Variants in EXT1 observed in about 807,000 individuals in gnomAD.
The protein encoded by EXT1 is exostosin glycosyltransferase 1, also known as exostosin-1.
Under a neutral mutation model 82.5 loss-of-function variants are expected in EXT1, and 20 were observed. The ratio of observed to expected loss-of-function variants is 0.24; its 90% confidence interval spans 0.17 to 0.35. The LOEUF (loss-of-function observed/expected upper bound fraction) is 0.35, where lower values mean the gene tolerates loss of function less well. Ranked by LOEUF, EXT1 falls within the 10% of genes least tolerant of loss-of-function variation. EXT1 has a pLI of 1.00. For missense variants in EXT1, 757 were observed against 936.5 expected (o/e 0.81, Z 2.50); for synonymous variants, 348 against 350.8 (o/e 0.99, Z 0.09).
intron 1 of EXT1, among the ~76,000 whole-genome samples, chr8:118,103,736 C>T (rs1586275939): frequency 6.6e-6 from 1 of 152,126 alleles, no homozygotes; most frequent in East Asian, 1.9e-4. Context: ...TCAGCTTCCT[C>T]ACTTTTCTTA....
chr8:118,065,974 A>G (rs1816977771), intron 1 of EXT1, among the ~76,000 whole-genome samples: 1 of 152,240 alleles, frequency 6.6e-6, no homozygotes, highest in South Asian at 2.1e-4. Flanking sequence ...ACTGGACACA[A>G]AAAGTCTAAA....
chr8:117,811,463 C>T (rs764445544), intron 8 of EXT1, among the ~76,000 whole-genome samples: 7 of 152,298 alleles, frequency 4.6e-5, no homozygotes, highest in East Asian at 3.9e-4. Context: ...CCTGGCCCAA[C>T]CACTCATTCA....
At chr8:117,903,094 A>G (rs1813480207) in intron 1 of EXT1, among the ~76,000 whole-genome samples, 1 of 152,238 alleles carries the variant, frequency 6.6e-6, no homozygotes, top group South Asian at 2.1e-4. Flanking sequence ...ATATGGACAC[A>G]ACATTGTTTT....
chr8:117,975,541 A>G lies in EXT1; in HGVS notation c.962+134544T>C, dbSNP rs553634248. Among the ~76,000 whole-genome samples, 9 of 152,224 alleles carry G rather than the reference A, an allele frequency of 5.9e-5. No individual in the cohort carries two copies. In the South Asian group the frequency reaches 1.7e-3, roughly 28 times the overall value. On this transcript the variant is annotated intron_variant, in intron 1 of 10. Transcript: ENST00000378204. Reference sequence around the variant, plus strand: ...TCCATCAAAATATATGTTTCTAGGAAGCCTTCTCTGAATCTCCAATCTGAT... The same window carrying G: ...TCCATCAAAATATATGTTTCTAGGAGGCCTTCTCTGAATCTCCAATCTGAT...
intron 1 of EXT1, among the ~76,000 whole-genome samples, chr8:118,037,992 C>T (rs1816457404): frequency 6.6e-6 from 1 of 152,012 alleles, no homozygotes; most frequent in African/African-American, 2.4e-5. Context: ...AGGCATGCGC[C>T]ACCATGCCCA....
At chr8:117,904,502 G>T (rs1218412085) in intron 1 of EXT1, among the ~76,000 whole-genome samples, 1 of 152,136 alleles carries the variant, frequency 6.6e-6, no homozygotes, top group Non-Finnish European at 1.5e-5. Flanking sequence ...TATTTGTGAA[G>T]ATTGAAATGG....
chr8:118,010,929 C>T (rs1007556563), intron 1 of EXT1, among the ~76,000 whole-genome samples: 3 of 152,144 alleles, frequency 2.0e-5, no homozygotes, highest in African/African-American at 7.2e-5. Flanking sequence ...TGAAAGCTTT[C>T]TGTGGGTAAT....
chr8:118,022,057 C>T (rs552291270), intron 1 of EXT1, among the ~76,000 whole-genome samples: 14 of 152,158 alleles, frequency 9.2e-5, no homozygotes, highest in Middle Eastern at 3.4e-3. Flanking sequence ...TTGGTCAATG[C>T]GTAGAGAGAG....
At chr8:117,848,303 T>G (rs750224526) in intron 1 of EXT1, among the ~76,000 whole-genome samples, 18 of 152,146 alleles carry the variant, frequency 1.2e-4, no homozygotes, top group Non-Finnish European at 2.5e-4. Flanking sequence ...TCCTTAGGGA[T>G]TAGAGAGGCC....
intron 1 of EXT1, among the ~76,000 whole-genome samples, chr8:117,844,844 C>A (rs796377041): frequency 1.3e-5 from 2 of 152,144 alleles, no homozygotes; most frequent in African/African-American, 4.8e-5. Flanking sequence ...CAGGAAGGCA[C>A]TCGCTATTTG....
At chr8:117,982,246 G>A (rs1563620364) in intron 1 of EXT1, among the ~76,000 whole-genome samples, 1 of 152,192 alleles carries the variant, frequency 6.6e-6, no homozygotes, top group Admixed American at 6.5e-5. Flanking sequence ...GCGGGTGTAA[G>A]ACTGACATAT....
At chr8:117,815,881 T>G (rs1460504126) in intron 7 of EXT1, among the ~76,000 whole-genome samples, 2 of 148,990 alleles carry the variant, frequency 1.3e-5, no homozygotes, top group South Asian at 2.1e-4. Context: ...AGTGAGCCGA[T>G]ATCATGCCAT....
At chr8:117,932,266 G>A (rs1814074299) in intron 1 of EXT1, among the ~76,000 whole-genome samples, 1 of 152,116 alleles carries the variant, frequency 6.6e-6, no homozygotes, top group African/African-American at 2.4e-5. Context: ...TTTGCTTGCA[G>A]GTTAAGGATA....
At chr8:117,870,723 G>A (rs770196511) in intron 1 of EXT1, among the ~76,000 whole-genome samples, 1 of 151,848 alleles carries the variant, frequency 6.6e-6, no homozygotes, top group African/African-American at 2.4e-5. Flanking sequence ...TTCCACAAAG[G>A]ATAAAGGGAT....
At chr8:117,970,303 CA>C (rs1472285803) in intron 1 of EXT1, among the ~76,000 whole-genome samples, 3 of 149,238 alleles carry the variant, frequency 2.0e-5, no homozygotes, top group African/African-American at 7.5e-5. Flanking sequence ...CAGGAATCTA[CA>C]TTTTTTTTTT....
At position 117,812,963 on chromosome 8, in the gene EXT1, T is replaced by C. The variant is rs1233701691; in HGVS notation, c.1633-2A>G. 1.2e-6 allele frequency: 2 copies of C among 1,613,164 alleles called. No homozygotes were observed. On this transcript the variant is annotated splice_acceptor_variant, in intron 7 of 10. Coordinates refer to ENST00000378204, the MANE Select transcript of EXT1 (RefSeq NM_000127.3). LOFTEE classifies it high-confidence loss of function. The stretch of plus-strand genomic sequence containing the variant: ...GGGCAGAAAACGGCTGCTCATAACC[T>C]GGGAGGAAGTAGAAGTAGGCAGTGG...
At chr8:117,990,503 T>TATTC (rs1237481780) in intron 1 of EXT1, among the ~76,000 whole-genome samples, 6 of 152,220 alleles carry the variant, frequency 3.9e-5, no homozygotes, top group African/African-American at 4.8e-5. Flanking sequence ...CCTGAACCTA[T>TATTC]GCCTTCCCTG....
intron 1 of EXT1, among the ~76,000 whole-genome samples, chr8:118,016,829 C>G (rs1017827657): frequency 3.3e-5 from 5 of 152,198 alleles, no homozygotes; most frequent in African/African-American, 1.2e-4. Flanking sequence ...ACAAGCCAAG[C>G]TTTCCATGCC....
chr8:117,890,448 T>C (rs1813223298), intron 1 of EXT1, among the ~76,000 whole-genome samples: 1 of 152,146 alleles, frequency 6.6e-6, no homozygotes, highest in Non-Finnish European at 1.5e-5. Context: ...CAACAAAGAA[T>C]TTTCTGGCCC....
Sources: allele counts gnomAD v4.1 joint callset (sites outside exome capture counted in the v4.1 genomes callset), GRCh38; gene constraint gnomAD v4.1.1; transcripts MANE v1.5; gene names NCBI Gene and HGNC (gene_info 2026-07-23, HGNC 2026-07-21).